Variants in BRWD1 observed in about 807,000 individuals in gnomAD.
BRWD1 encodes the protein bromodomain and WD repeat-containing protein 1.
BRWD1 carries 82 observed loss-of-function variants against 251.2 expected under a neutral mutation model. That is an observed-to-expected ratio of 0.33 (90% CI 0.27 to 0.39). The LOEUF is 0.39. BRWD1 is among the 10% of genes least tolerant of loss of function. BRWD1 has a pLI of 1.00. For synonymous variants in BRWD1, 918 were observed against 902.8 expected (o/e 1.02, Z -0.30); for missense variants, 2,233 against 2,711.6 (o/e 0.82, Z 3.92).
intron 39 of BRWD1, among the ~76,000 whole-genome samples, 169 bp downstream of exon 39, chr21:39,200,050 G>A (rs1262968583): frequency 6.6e-6 from 1 of 152,204 alleles, no homozygotes; most frequent in African/African-American, 2.4e-5. Flanking sequence ...ACCGCACCCA[G>A]CCTTTTCTTC....
At chr21:39,299,174 G>T (rs897040933) in intron 4 of BRWD1, among the ~76,000 whole-genome samples, 2 of 151,908 alleles carry the variant, frequency 1.3e-5, no homozygotes, top group African/African-American at 4.8e-5. Context: ...AGTGAGCTGG[G>T]ATCGTGCCAT....
At chr21:39,314,042 G>A (rs113983384), upstream of BRWD1, 84 of 455,616 alleles carry the variant, frequency 1.8e-4, 1 homozygote, top group Non-Finnish European at 2.6e-5. Context: ...CCGAGTCGCG[G>A]GTTGGGCAAG....
At chr21:39,284,745 A>G (rs1398239940) in intron 8 of BRWD1, among the ~76,000 whole-genome samples, 3 of 152,300 alleles carry the variant, frequency 2.0e-5, no homozygotes, top group South Asian at 4.1e-4. Context: ...ATGTCTACGC[A>G]GGTCTTTTGC....
At chr21:39,213,382 C>T in intron 33 of BRWD1, 99 bp downstream of exon 33, 1 of 954,042 alleles carries the variant, frequency 1.0e-6, no homozygotes, top group Admixed American at 2.2e-5. Context: ...GTTCATTGGA[C>T]TACTACAAGA....
In BRWD1 at chr21:39,264,446, A is replaced by AAG; in HGVS notation, c.1885+12_1885+13dup. On this transcript the variant is annotated intron_variant, in intron 17 of 40. Transcript: ENST00000342449. ...ACAACTTTAAAAAAAAAAAAAAAAA[A>AAG]AGACTGCACTTACTTGTTGCCACAT... 7.0e-7 allele frequency: 1 copy of AAG among 1,431,856 alleles called. No individual in the cohort carries two copies. Among genetic ancestry groups the AAG allele is most frequent in the Non-Finnish European group, 9.4e-7 (1 of 1,069,062 alleles). The allele number at this position is 1,431,856 out of a possible 1,614,324, so 88.7% of individuals were successfully genotyped here. A position where few individuals can be genotyped will look rare whatever the true frequency, so the allele number is the denominator to read the frequency against.
intron 29 of BRWD1, among the ~76,000 whole-genome samples, chr21:39,220,435 C>T (rs1319858584): frequency 6.6e-6 from 1 of 152,216 alleles, no homozygotes; most frequent in Non-Finnish European, 1.5e-5. Context: ...AGCACTGCTC[C>T]AAACCCATCT....
intron 36 of BRWD1, 185 bp downstream of exon 36, chr21:39,209,810 A>G: frequency 1.9e-6 from 1 of 526,216 alleles, no homozygotes; most frequent in Non-Finnish European, 3.0e-6. Flanking sequence ...AAAGGCAAAA[A>G]CTGAAGCTAT....
chr21:39,253,628 T>C (rs79967861), intron 19 of BRWD1, among the ~76,000 whole-genome samples: 2,316 of 152,288 alleles, frequency 0.015, 57 homozygotes, highest in African/African-American at 0.053. Context: ...AATTCCACAT[T>C]TTGCTTTTCA....
At chr21:39,317,336 G>C (rs1316375961), upstream of BRWD1, 3 of 152,252 alleles carry the variant, frequency 2.0e-5, no homozygotes, top group Non-Finnish European at 4.4e-5. Context: ...TGGTAAGCAA[G>C]TGTTGGAAAA....
chr21:39,219,219 G>C (rs2033073134), intron 29 of BRWD1, among the ~76,000 whole-genome samples: 1 of 152,086 alleles, frequency 6.6e-6, no homozygotes. Flanking sequence ...TCAGGAGTTT[G>C]AGACCAGCCT....
intron 35 of BRWD1, 126 bp downstream of exon 35, chr21:39,210,660 A>T: frequency 2.8e-6 from 3 of 1,090,588 alleles, no homozygotes; most frequent in Non-Finnish European, 3.8e-6. Flanking sequence ...CCACTAACTT[A>T]GTGATAGGAG....
rs1350605987 is a variant in BRWD1 at position 39,236,645 on chromosome 21, G to A, written c.2716C>T (p.Pro906Ser). ...TTTCTCTTTCGTCTTCTTTTTGGAG[G>A]AGATAAATTCTCAGTAGATATTTCA... is the stretch of plus-strand genomic sequence containing the variant. ...EDEISTENLS[P>S]PKRRRKRKKE... Residue 906 changes from proline (P) to serine (S), a missense_variant, in exon 23 of 41, where the codon CCT (proline) becomes TCT (serine). Around this residue, in one of 12 missense-constraint regions of BRWD1, gnomAD observed 214 missense variants for 222.0 expected, o/e 0.96. Coordinates refer to ENST00000342449, the MANE Select transcript of BRWD1 (RefSeq NM_033656.4). 6.2e-7 allele frequency: 1 copy of A among 1,611,696 alleles called. No homozygotes were observed. Among genetic ancestry groups the A allele is most frequent in the Non-Finnish European group, 8.5e-7 (1 of 1,179,172 alleles).
At chr21:39,197,513 AG>A (rs1201916282) in intron 40 of BRWD1, 98 bp from the exon 41 acceptor site, 4 of 995,554 alleles carry the variant, frequency 4.0e-6, no homozygotes, top group Non-Finnish European at 5.9e-6. Flanking sequence ...ATTAATTTGA[AG>A]GGGGTATTGC....
rs377376246 is a variant in BRWD1 at position 39,280,037 on chromosome 21, TA to T, written c.932+110del. On this transcript the variant is annotated intron_variant, in intron 9 of 40. Coordinates refer to ENST00000342449, the MANE Select transcript of BRWD1 (RefSeq NM_033656.4). ...TATAATAAAAATTAAGTTCAAAGGT[TA>T]AAAAAAAGCAACAATACACAATTTC... 5.5e-4 allele frequency: 415 copies of T among 752,514 alleles called. 3 individuals carry two copies. The highest frequency in any genetic ancestry group is 3.5e-3 in the South Asian group (156 of 44,864). The allele number at this position is 752,514 out of a possible 1,614,324, so 46.6% of individuals were successfully genotyped here.
At chr21:39,222,946 C>CA (rs112412809) in intron 29 of BRWD1, among the ~76,000 whole-genome samples, 91,617 of 150,152 alleles carry the variant, frequency 0.61, 27,852 homozygotes, top group Admixed American at 0.66. Flanking sequence ...ACATTTTTGC[C>CA]AAAAATGCAA....
intron 10 of BRWD1, among the ~76,000 whole-genome samples, chr21:39,277,740 T>C (rs2035322825): frequency 6.6e-6 from 1 of 152,110 alleles, no homozygotes; most frequent in South Asian, 2.1e-4. Flanking sequence ...ATTTTTTGTA[T>C]TTTTAGTAGA....
intron 8 of BRWD1, among the ~76,000 whole-genome samples, chr21:39,281,782 C>T (rs1047268833): frequency 2.0e-5 from 3 of 151,360 alleles, no homozygotes; most frequent in South Asian, 2.1e-4. Context: ...GCAGGAGAAT[C>T]GCTTGAATCC....
intron 37 of BRWD1, among the ~76,000 whole-genome samples, chr21:39,203,209 A>G (rs2481867): frequency 1.7e-3 from 265 of 152,252 alleles, no homozygotes; most frequent in Admixed American, 4.6e-3. Context: ...CCAGCACTTT[A>G]GGAGGCCAAG....
chr21:39,218,896 G>C (rs1243860011), intron 29 of BRWD1, among the ~76,000 whole-genome samples: 1 of 152,104 alleles, frequency 6.6e-6, no homozygotes, highest in Non-Finnish European at 1.5e-5. Context: ...AAGAGTGCCA[G>C]TATTGCAGTT....
Sources: gnomAD v4.1 joint callset for allele counts (sites outside exome capture counted in the v4.1 genomes callset) on GRCh38, gnomAD v4.1.1 for gene constraint, gnomAD v4.1.1 regional missense constraint, MANE v1.5 for transcripts, NCBI Gene and HGNC (gene_info 2026-07-23, HGNC 2026-07-21) for gene names.